Variants in AMPH observed in about 807,000 individuals in gnomAD.
AMPH encodes amphiphysin, also known as amphiphysin (Stiff-Mann syndrome with breast cancer 128kD autoantigen).
Under a neutral mutation model 99.1 loss-of-function variants are expected in AMPH, and 49 were observed. The ratio of observed to expected loss-of-function variants is 0.49; its 90% CI spans 0.39 to 0.63. The LOEUF (loss-of-function observed/expected upper bound fraction) is 0.63, where lower values mean the gene tolerates loss of function less well. AMPH is among the 20% of genes least tolerant of loss of function. The pLI is 0.00. For synonymous variants in AMPH, 314 were observed against 317.3 expected, an observed-to-expected ratio of 0.99 and a Z score of 0.11; for missense variants, 759 against 863.4, an observed-to-expected ratio of 0.88 and a Z score of 1.52.
chr7:38,627,265 C>T (rs1280070687), intron 1 of AMPH, among the ~76,000 whole-genome samples: 2 of 151,718 alleles, frequency 1.3e-5, no homozygotes, highest in African/African-American at 2.4e-5. Context: ...TGAAGGAGGC[C>T]GGGCGCGGTG....
chr7:38,471,078 A>AC (rs1787864861), intron 7 of AMPH, among the ~76,000 whole-genome samples: 2 of 152,172 alleles, frequency 1.3e-5, no homozygotes, highest in Non-Finnish European at 2.9e-5. Flanking sequence ...TTCTTCACAC[A>AC]CAGTAGGTGG....
At chr7:38,597,506 G>A (rs192630779) in intron 1 of AMPH, among the ~76,000 whole-genome samples, 6 of 152,284 alleles carry the variant, frequency 3.9e-5, no homozygotes, top group Admixed American at 3.3e-4. Flanking sequence ...GATATGCTCT[G>A]AGGTAATTCA....
intron 1 of AMPH, among the ~76,000 whole-genome samples, chr7:38,619,462 A>G (rs1022084257): frequency 1.3e-5 from 2 of 152,226 alleles, no homozygotes; most frequent in African/African-American, 4.8e-5. Flanking sequence ...GAAGACTCCA[A>G]TACCTTAGTT....
intron 11 of AMPH, among the ~76,000 whole-genome samples, chr7:38,440,298 A>G (rs1181757729): frequency 1.3e-5 from 2 of 152,246 alleles, no homozygotes; most frequent in Non-Finnish European, 2.9e-5. Context: ...AGAAACTGCC[A>G]ACTTATAATT....
At chr7:38,414,741 C>T (rs1259083209) in intron 17 of AMPH, among the ~76,000 whole-genome samples, 1 of 152,026 alleles carries the variant, frequency 6.6e-6, no homozygotes, top group East Asian at 1.9e-4. Flanking sequence ...TCTCAGCTCA[C>T]TGCACCTCTG....
At chr7:38,465,273 G>T (rs929769014) in intron 9 of AMPH, among the ~76,000 whole-genome samples, 194 bp downstream of exon 9, 7 of 152,174 alleles carry the variant, frequency 4.6e-5, no homozygotes, top group Non-Finnish European at 7.4e-5. Flanking sequence ...GTGACAAGAA[G>T]AAGAATCCTA....
intron 1 of AMPH, among the ~76,000 whole-genome samples, chr7:38,628,834 T>C (rs975182174): frequency 2.0e-5 from 3 of 152,196 alleles, no homozygotes; most frequent in African/African-American, 7.2e-5. Context: ...CTTTCTCCAA[T>C]GAATCTTCAC....
chr7:38,491,550 A>T (rs1381345837), intron 4 of AMPH, among the ~76,000 whole-genome samples: 1 of 152,244 alleles, frequency 6.6e-6, no homozygotes, highest in African/African-American at 2.4e-5. Flanking sequence ...TCATTTCTGA[A>T]GCCTCCCCAG....
intron 1 of AMPH, among the ~76,000 whole-genome samples, chr7:38,559,096 C>T (rs1467793836): frequency 2.0e-5 from 3 of 152,220 alleles, no homozygotes; most frequent in African/African-American, 7.2e-5. Flanking sequence ...CTGTATAATT[C>T]ATGTGTTTTC....
intron 3 of AMPH, among the ~76,000 whole-genome samples, chr7:38,503,272 G>A (rs1789205443): frequency 6.6e-6 from 1 of 152,176 alleles, no homozygotes; most frequent in South Asian, 2.1e-4. Context: ...CTTCCAGTGA[G>A]AGGGCTTAGG....
intron 1 of AMPH, among the ~76,000 whole-genome samples, chr7:38,553,718 G>A (rs1456815208): frequency 2.6e-5 from 4 of 152,150 alleles, no homozygotes; most frequent in Non-Finnish European, 2.9e-5. Flanking sequence ...TTTGATTTCT[G>A]TAAAATAAAA....
intron 2 of AMPH, among the ~76,000 whole-genome samples, chr7:38,504,989 A>T (rs1236647333): frequency 6.6e-6 from 1 of 152,216 alleles, no homozygotes; most frequent in Admixed American, 6.5e-5. Flanking sequence ...TTTAACAAAC[A>T]TTGTTAGTAT....
chr7:38,555,676 T>A (rs533187624), intron 1 of AMPH, among the ~76,000 whole-genome samples: 3 of 152,284 alleles, frequency 2.0e-5, no homozygotes, highest in Non-Finnish European at 4.4e-5. Flanking sequence ...ATGTGAAAAA[T>A]TCTGTATGAT....
intron 7 of AMPH, among the ~76,000 whole-genome samples, chr7:38,473,257 C>G (rs776789205): frequency 7.2e-5 from 11 of 152,108 alleles, no homozygotes; most frequent in Non-Finnish European, 1.3e-4. Context: ...GTATAACTGT[C>G]TTAATTGTAT....
At chr7:38,626,350 T>A (rs1380840417) in intron 1 of AMPH, among the ~76,000 whole-genome samples, 1 of 152,104 alleles carries the variant, frequency 6.6e-6, no homozygotes, top group Non-Finnish European at 1.5e-5. Context: ...AACAGATATA[T>A]AGACCAATGG....
At chr7:38,398,361 T>C (rs1227744382) in intron 17 of AMPH, among the ~76,000 whole-genome samples, 2 of 152,126 alleles carry the variant, frequency 1.3e-5, no homozygotes, top group Non-Finnish European at 1.5e-5. Context: ...TATTCAGCCA[T>C]AGAAAACAAT....
intron 1 of AMPH, among the ~76,000 whole-genome samples, chr7:38,583,802 G>T (rs1302944893): frequency 6.6e-6 from 1 of 152,186 alleles, no homozygotes; most frequent in African/African-American, 2.4e-5. Flanking sequence ...GAGTGAGGGG[G>T]GCCAGAAGCC....
At chr7:38,620,358 G>GTC (rs1794011220) in intron 1 of AMPH, among the ~76,000 whole-genome samples, 1 of 143,326 alleles carries the variant, frequency 7.0e-6, no homozygotes, top group African/African-American at 2.8e-5. Flanking sequence ...GTGTGTGTGT[G>GTC]TGTGTCTGTG....
intron 13 of AMPH, among the ~76,000 whole-genome samples, chr7:38,431,272 A>C (rs1398637144): frequency 6.6e-6 from 1 of 152,188 alleles, no homozygotes; most frequent in Non-Finnish European, 1.5e-5. Flanking sequence ...CATACTTTAC[A>C]ATTATCTTAT....
Sources: gnomAD v4.1 joint callset for allele counts (sites outside exome capture counted in the v4.1 genomes callset) on GRCh38, gnomAD v4.1.1 for gene constraint, MANE v1.5 for transcripts, NCBI Gene and HGNC (gene_info 2026-07-23, HGNC 2026-07-21) for gene names.